NCKAP5: variants seen among roughly 807,000 people sequenced by gnomAD.
The protein encoded by NCKAP5 is nck-associated protein 5.
Under a neutral mutation model 167.0 loss-of-function variants are expected in NCKAP5, and 92 were observed. That is an observed-to-expected ratio of 0.55 (90% CI 0.47 to 0.66). NCKAP5 has a LOEUF of 0.66. Ranked by LOEUF, NCKAP5 falls within the 30% of genes least tolerant of loss-of-function variation. The pLI, the probability that NCKAP5 is intolerant of heterozygous loss-of-function variation, is 0.00. For missense variants in NCKAP5, 2,378 were observed against 2,315.0 expected, an observed-to-expected ratio of 1.03 and a Z score of -0.56; for synonymous variants, 891 against 877.4, an observed-to-expected ratio of 1.02 and a Z score of -0.27.
chr2:133,210,675 G>C lies in NCKAP5; in HGVS notation c.207+3041C>G, dbSNP rs6720538. Among the ~76,000 whole-genome samples, 1,121 of 152,256 alleles carry C rather than the reference G, an allele frequency of 7.4e-3. 16 individuals carry two copies. The highest frequency in any genetic ancestry group is 0.026 in the African/African-American group (1,081 of 41,556). On this transcript the variant is annotated intron_variant, in intron 5 of 19. Coordinates refer to ENST00000409261, the MANE Select transcript of NCKAP5 (RefSeq NM_207363.3). The stretch of plus-strand genomic sequence containing the variant: ...CAGAAATAAATGAATTCTAGGAGCA[G>C]AAAAGCTGAAGCATATAATTAAATA...
At chr2:133,220,693 G>C (rs1403529176) in intron 4 of NCKAP5, among the ~76,000 whole-genome samples, 1 of 152,056 alleles carries the variant, frequency 6.6e-6, no homozygotes, top group Non-Finnish European at 1.5e-5. Context: ...TAAAAAAAAA[G>C]CATTCCCCAA....
chr2:132,936,010 C>G (rs2149079853), intron 8 of NCKAP5, among the ~76,000 whole-genome samples: 1 of 150,412 alleles, frequency 6.6e-6, no homozygotes, highest in South Asian at 2.1e-4. Context: ...GAGACAGAGT[C>G]CCGCTCTGTC....
At chr2:132,736,353 C>T (rs1691505688) in intron 16 of NCKAP5, among the ~76,000 whole-genome samples, 1 of 152,182 alleles carries the variant, frequency 6.6e-6, no homozygotes, top group South Asian at 2.1e-4. Context: ...AGATATTGTA[C>T]TTCTGAAGCC....
chr2:132,690,548 C>G (rs549118520), intron 19 of NCKAP5, among the ~76,000 whole-genome samples: 1 of 152,290 alleles, frequency 6.6e-6, no homozygotes, highest in Non-Finnish European at 1.5e-5. Flanking sequence ...TTGCTTGTAT[C>G]AATTAGCCTC....
chr2:133,611,266 C>A, the NCKAP5 span, among the ~76,000 whole-genome samples: 1 of 151,970 alleles, frequency 6.6e-6, no homozygotes, highest in African/African-American at 2.4e-5. Flanking sequence ...AACCTCCACC[C>A]GCCACCCGCC....
chr2:132,787,148 G>A (rs938742919), intron 13 of NCKAP5, among the ~76,000 whole-genome samples: 1 of 152,144 alleles, frequency 6.6e-6, no homozygotes, highest in South Asian at 2.1e-4. Context: ...AGGAGTTCGA[G>A]ACTAGTCTGA....
chr2:132,799,334 A>G (rs1185535347), intron 11 of NCKAP5, among the ~76,000 whole-genome samples: 2 of 152,094 alleles, frequency 1.3e-5, no homozygotes, highest in Non-Finnish European at 1.5e-5. Context: ...ACCTGCATCC[A>G]AAACCCAGCA....
In NCKAP5 at chr2:133,314,896, A is replaced by G. The variant is rs570545985; in HGVS notation, c.70-11786T>C. On this transcript the variant is annotated intron_variant, in intron 3 of 19. Transcript: ENST00000409261. ...AGTGACGGAACTAACCGAGGTGGCT[A>G]CTTTGGGAGGCTCATTCTAGGCAGA... 4.6e-5 allele frequency among the ~76,000 whole-genome samples: 7 copies of G among 152,296 alleles called. No homozygotes were observed. In the East Asian group the frequency reaches 1.3e-3, roughly 29 times the overall value.
intron 6 of NCKAP5, among the ~76,000 whole-genome samples, chr2:133,104,999 T>C (rs1338400727): frequency 6.6e-6 from 1 of 152,222 alleles, no homozygotes; most frequent in Non-Finnish European, 1.5e-5. Flanking sequence ...TCACACTCTC[T>C]CCCGCTAATA....
intron 8 of NCKAP5, among the ~76,000 whole-genome samples, chr2:132,895,047 A>G (rs958838547): frequency 2.0e-5 from 3 of 152,028 alleles, no homozygotes; most frequent in Non-Finnish European, 4.4e-5. Flanking sequence ...AAATCGAAAT[A>G]AGGGCCGGGC....
intron 12 of NCKAP5, 92 bp from the exon 13 acceptor site, chr2:132,790,297 T>C: frequency 8.6e-7 from 1 of 1,160,766 alleles, no homozygotes; most frequent in Non-Finnish European, 1.2e-6. Flanking sequence ...GGAATACAGA[T>C]GCTCCTCAAC....
chr2:133,258,108 C>G (rs61471957), intron 4 of NCKAP5, among the ~76,000 whole-genome samples: 3,894 of 152,248 alleles, frequency 0.026, 150 homozygotes, highest in African/African-American at 0.084. Context: ...ATTGAGAAAG[C>G]ATTTGGACTA....
chr2:133,610,050 T>A, the NCKAP5 span, among the ~76,000 whole-genome samples: 15 of 152,276 alleles, frequency 9.9e-5, no homozygotes, highest in South Asian at 2.9e-3. Context: ...TAAATCAGCA[T>A]CCCTTCCTGC....
chr2:132,824,728 A>G (rs1394532815), intron 11 of NCKAP5, among the ~76,000 whole-genome samples: 1 of 152,168 alleles, frequency 6.6e-6, no homozygotes, highest in African/African-American at 2.4e-5. Flanking sequence ...GAATGCTTCA[A>G]GCAAGAGCAT....
At chr2:132,689,720 C>T (rs1454808859) in intron 19 of NCKAP5, among the ~76,000 whole-genome samples, 1 of 152,120 alleles carries the variant, frequency 6.6e-6, no homozygotes, top group African/African-American at 2.4e-5. Flanking sequence ...TTCAGGCAAC[C>T]TCTGTCTATT....
chr2:133,215,063 G>C (rs375730093), intron 4 of NCKAP5, among the ~76,000 whole-genome samples: 1 of 152,180 alleles, frequency 6.6e-6, no homozygotes, highest in East Asian at 1.9e-4. Context: ...AGGGAGACTA[G>C]ACTAGGAGAC....
chr2:132,755,830 C>CAA lies in NCKAP5; in HGVS notation c.5128+17985_5128+17986insTT, dbSNP rs113836542. 1.2e-3 allele frequency among the ~76,000 whole-genome samples: 168 copies of CAA among 137,732 alleles called. 1 individual carries two copies. The highest frequency in any genetic ancestry group is 3.0e-3 in the Admixed American group (41 of 13,874). 90.4% of individuals were successfully genotyped at this position (137,732 alleles called of 152,430 possible). ...TGGGTGACAGAGCGAGATTCTGTCT[C>CAA]AGAAAAAAAAATGCTAAATGGCAAA... is the stretch of plus-strand genomic sequence containing the variant. On this transcript the variant is annotated intron_variant, in intron 16 of 19. Transcript: ENST00000409261.
chr2:132,709,995 A>G (rs533378117), intron 19 of NCKAP5, among the ~76,000 whole-genome samples: 117 of 152,174 alleles, frequency 7.7e-4, no homozygotes, highest in Admixed American at 1.5e-3. Flanking sequence ...ACATTAGCTG[A>G]CTAAACGGAT....
intron 5 of NCKAP5, among the ~76,000 whole-genome samples, chr2:133,159,651 G>A (rs1043343292): frequency 3.3e-5 from 5 of 152,202 alleles, no homozygotes; most frequent in African/African-American, 1.2e-4. Flanking sequence ...AAAGGATTCA[G>A]AGGAGAGAAA....
Sources: allele counts gnomAD v4.1 joint callset (sites outside exome capture counted in the v4.1 genomes callset), GRCh38; gene constraint gnomAD v4.1.1; transcripts MANE v1.5; gene names NCBI Gene and HGNC (gene_info 2026-07-23, HGNC 2026-07-21).